GABRB2: variants seen among roughly 807,000 people sequenced by gnomAD.
The protein encoded by GABRB2 is gamma-aminobutyric acid receptor subunit beta-2.
In GABRB2, 16 loss-of-function variants were observed where a neutral mutation model predicts 54.7. The observed-to-expected ratio is 0.29, with a 90% CI of 0.20 to 0.44. The LOEUF (loss-of-function observed/expected upper bound fraction) is 0.44. Ranked by LOEUF, GABRB2 falls within the 20% of genes least tolerant of loss-of-function variation. The pLI is 1.00. For synonymous variants in GABRB2, 244 were observed against 233.8 expected, an observed-to-expected ratio of 1.04 and a Z score of -0.40; for missense variants, 355 against 644.0, an observed-to-expected ratio of 0.55 and a Z score of 4.86.
At chr5:161,396,909 C>T (rs577134507) in intron 5 of GABRB2, among the ~76,000 whole-genome samples, 1 of 152,256 alleles carries the variant, frequency 6.6e-6, no homozygotes, top group East Asian at 1.9e-4. Context: ...GTCTCCTTAT[C>T]TGTAAAACAG....
At chr5:161,299,055 C>A (rs1757463155) in intron 9 of GABRB2, among the ~76,000 whole-genome samples, 1 of 152,070 alleles carries the variant, frequency 6.6e-6, no homozygotes, top group African/African-American at 2.4e-5. Context: ...ATGGTAGGGG[C>A]AGTCAACTGG....
intron 5 of GABRB2, among the ~76,000 whole-genome samples, chr5:161,363,509 C>T (rs935004900): frequency 2.6e-5 from 4 of 151,942 alleles, no homozygotes; most frequent in Non-Finnish European, 5.9e-5. Flanking sequence ...CACATGTATC[C>T]CAGAACTTAA....
At chr5:161,457,870 T>C (rs1758006171) in intron 4 of GABRB2, among the ~76,000 whole-genome samples, 1 of 152,122 alleles carries the variant, frequency 6.6e-6, no homozygotes, top group African/African-American at 2.4e-5. Flanking sequence ...GCTTAGTCAG[T>C]ATTGGGTATA....
At chr5:161,419,376 TA>T (rs1756782561) in intron 4 of GABRB2, among the ~76,000 whole-genome samples, 1 of 152,126 alleles carries the variant, frequency 6.6e-6, no homozygotes, top group South Asian at 2.1e-4. Context: ...AAAATTAGTA[TA>T]ACCTTTATGA....
At chr5:161,451,986 G>A (rs1047928076) in intron 4 of GABRB2, among the ~76,000 whole-genome samples, 1 of 152,110 alleles carries the variant, frequency 6.6e-6, no homozygotes, top group Non-Finnish European at 1.5e-5. Flanking sequence ...TACTGTGTTT[G>A]TTGAAGAGTT....
intron 3 of GABRB2, among the ~76,000 whole-genome samples, chr5:161,463,576 T>TAGATATATAG (rs1561659560): frequency 8.1e-6 from 1 of 122,784 alleles, no homozygotes; most frequent in Non-Finnish European, 1.7e-5. Context: ...TATATATATA[T>TAGATATATAG]ATATATATAT....
chr5:161,509,908 C>A (rs371009170), intron 3 of GABRB2, among the ~76,000 whole-genome samples: 23 of 151,928 alleles, frequency 1.5e-4, no homozygotes, highest in Admixed American at 2.6e-4. Flanking sequence ...TATAACTACT[C>A]TAAGATTAGG....
intron 3 of GABRB2, among the ~76,000 whole-genome samples, chr5:161,466,405 C>A (rs1208417872): frequency 6.6e-6 from 1 of 152,002 alleles, no homozygotes; most frequent in Non-Finnish European, 1.5e-5. Flanking sequence ...ATATCTATAA[C>A]CACTGCATTA....
At chr5:161,344,838 A>T (rs1754272728) in intron 5 of GABRB2, among the ~76,000 whole-genome samples, 1 of 152,188 alleles carries the variant, frequency 6.6e-6, no homozygotes. Context: ...AATGTGGCAC[A>T]TATACACCAT....
chr5:161,495,094 A>G (rs1444921074), intron 3 of GABRB2, among the ~76,000 whole-genome samples: 1 of 151,980 alleles, frequency 6.6e-6, no homozygotes, highest in African/African-American at 2.4e-5. Context: ...CTTAGTCACA[A>G]ATTAACATCC....
intron 4 of GABRB2, among the ~76,000 whole-genome samples, chr5:161,442,244 A>G (rs1757487706): frequency 6.6e-6 from 1 of 152,220 alleles, no homozygotes; most frequent in African/African-American, 2.4e-5. Flanking sequence ...ACCCCTACAA[A>G]TGTACTTTTT....
intron 5 of GABRB2, among the ~76,000 whole-genome samples, chr5:161,396,726 T>C (rs978818146): frequency 1.3e-5 from 2 of 152,198 alleles, no homozygotes; most frequent in African/African-American, 4.8e-5. Context: ...TATTTATATA[T>C]CAAAATATCA....
intron 6 of GABRB2, among the ~76,000 whole-genome samples, chr5:161,335,574 A>G (rs561022351): frequency 4.6e-5 from 7 of 152,292 alleles, no homozygotes; most frequent in African/African-American, 1.7e-4. Context: ...AAAACAAGAC[A>G]AATAACAGAG....
At chr5:161,349,768 A>T (rs1020800307) in intron 5 of GABRB2, among the ~76,000 whole-genome samples, 3 of 152,040 alleles carry the variant, frequency 2.0e-5, no homozygotes, top group African/African-American at 7.2e-5. Flanking sequence ...CCTGCAGGAA[A>T]CTTAAGCTTG....
chr5:161,381,420 G>A (rs1460617347), intron 5 of GABRB2, among the ~76,000 whole-genome samples: 1 of 152,118 alleles, frequency 6.6e-6, no homozygotes, highest in Non-Finnish European at 1.5e-5. Context: ...GTCAACTTGT[G>A]CCCTCCTTGG....
chr5:161,359,861 T>C (rs1316061614), intron 5 of GABRB2, among the ~76,000 whole-genome samples: 2 of 152,126 alleles, frequency 1.3e-5, no homozygotes, highest in African/African-American at 4.8e-5. Context: ...GGCAGGTAGA[T>C]CACGAGGTCA....
intron 3 of GABRB2, among the ~76,000 whole-genome samples, chr5:161,498,802 G>A (rs1759336024): frequency 6.6e-6 from 1 of 152,080 alleles, no homozygotes; most frequent in South Asian, 2.1e-4. Flanking sequence ...GGGCATAAAA[G>A]CCCTCGTGGC....
At chr5:161,300,554 C>G (rs1017129141) in intron 9 of GABRB2, among the ~76,000 whole-genome samples, 1 of 152,138 alleles carries the variant, frequency 6.6e-6, no homozygotes, top group Non-Finnish European at 1.5e-5. Flanking sequence ...TTGCCTCTAG[C>G]CTGTCTTAAA....
At chr5:161,464,819 C>A (rs1241414884) in intron 3 of GABRB2, among the ~76,000 whole-genome samples, 4 of 151,916 alleles carry the variant, frequency 2.6e-5, no homozygotes, top group African/African-American at 9.7e-5. Flanking sequence ...TGTATCATTC[C>A]ATTTGTATGA....
Sources: gnomAD v4.1 joint callset for allele counts (sites outside exome capture counted in the v4.1 genomes callset) on GRCh38, gnomAD v4.1.1 for gene constraint, MANE v1.5 for transcripts, NCBI Gene and HGNC (gene_info 2026-07-23, HGNC 2026-07-21) for gene names.